The following DLG2 variants were observed in gnomAD, a reference collection of about 807,000 sequenced individuals.
DLG2 encodes the protein discs large MAGUK scaffold protein 2, also known as disks large homolog 2.
Under a neutral mutation model 132.5 loss-of-function variants are expected in DLG2, and 45 were observed. That is an observed-to-expected ratio of 0.34 (90% CI 0.27 to 0.44). The LOEUF (loss-of-function observed/expected upper bound fraction) is 0.44, where lower values mean the gene tolerates loss of function less well. DLG2 is among the 20% of genes least tolerant of loss of function. DLG2 has a pLI of 1.00. For missense variants in DLG2, 1,045 were observed against 1,196.9 expected (o/e 0.87, Z 1.87); for synonymous variants, 424 against 419.6 (o/e 1.01, Z -0.13).
chr11:84,715,285 T>C (rs566841036), intron 6 of DLG2, among the ~76,000 whole-genome samples: 64 of 152,250 alleles, frequency 4.2e-4, no homozygotes, highest in African/African-American at 1.3e-3. Context: ...ATTCAAAATA[T>C]ACAACATAAT....
chr11:85,155,484 T>C lies in DLG2; in HGVS notation c.187-833A>G, dbSNP rs531757776. On this transcript the variant is annotated intron_variant, in intron 4 of 27. Coordinates refer to ENST00000376104, the MANE Select transcript of DLG2 (RefSeq NM_001142699.3). ...TTCTGGAAGAGGAAGGATCAGAGAC[T>C]TCTAGGCTGATGAAAGGGATTCGTG... Among the ~76,000 whole-genome samples the C allele has an allele frequency of 7.0e-4, 107 of 152,302 alleles. 1 individual carries two copies. Among genetic ancestry groups the C allele is most frequent in the African/African-American group, 2.5e-3 (103 of 41,574 alleles).
chr11:84,290,467 G>A (rs1185376460), intron 7 of DLG2, among the ~76,000 whole-genome samples: 1 of 151,980 alleles, frequency 6.6e-6, no homozygotes, highest in Non-Finnish European at 1.5e-5. Flanking sequence ...CCCTGTTATC[G>A]CAGGGTTCTT....
intron 6 of DLG2, among the ~76,000 whole-genome samples, chr11:84,678,269 T>G (rs1273761163): frequency 6.6e-6 from 1 of 152,108 alleles, no homozygotes; most frequent in Non-Finnish European, 1.5e-5. Flanking sequence ...ACACACTTCT[T>G]TTCTGTTTAG....
intron 7 of DLG2, among the ~76,000 whole-genome samples, chr11:84,476,722 T>C (rs1344474389): frequency 1.3e-5 from 2 of 152,164 alleles, no homozygotes; most frequent in African/African-American, 4.8e-5. Flanking sequence ...CCAGGCCACA[T>C]GGAGAAGCCA....
Position 84,163,919 on chromosome 11 carries a change from G to A in DLG2, c.574-408C>T, listed in dbSNP as rs116131100. ...ACCTTAAAAATCAGTGATAATGGCA[G>A]AACAACATTGTTCCATTTTTGAATA... On this transcript the variant is annotated intron_variant, in intron 8 of 27. Coordinates refer to ENST00000376104, the MANE Select transcript of DLG2 (RefSeq NM_001142699.3). Among the ~76,000 whole-genome samples, 425 of 152,212 alleles carry A rather than the reference G, an allele frequency of 2.8e-3. 3 individuals are homozygous for A. The highest frequency in any genetic ancestry group is 0.01 in the African/African-American group (418 of 41,532).
intron 4 of DLG2, among the ~76,000 whole-genome samples, chr11:85,212,666 AGC>A: frequency 6.6e-6 from 1 of 152,142 alleles, no homozygotes; most frequent in Non-Finnish European, 1.5e-5. Context: ...AAAATATCAA[AGC>A]ACTCTCACAT....
chr11:84,398,393 T>C (rs1396580837), intron 7 of DLG2, among the ~76,000 whole-genome samples: 3 of 152,154 alleles, frequency 2.0e-5, no homozygotes, highest in Non-Finnish European at 4.4e-5. Context: ...GTAGAGCTCA[T>C]ACTGGTATCT....
At chr11:83,974,769 A>G (rs1335598975) in intron 12 of DLG2, among the ~76,000 whole-genome samples, 3 of 152,070 alleles carry the variant, frequency 2.0e-5, no homozygotes, top group African/African-American at 7.2e-5. Flanking sequence ...TGACTTGCCC[A>G]AGACAGATTA....
At chr11:84,247,596 T>C (rs1305778591) in intron 8 of DLG2, among the ~76,000 whole-genome samples, 3 of 152,150 alleles carry the variant, frequency 2.0e-5, no homozygotes, top group Non-Finnish European at 4.4e-5. Flanking sequence ...CATGACCTCA[T>C]ATAAGACAGA....
At chr11:84,825,979 C>T (rs1450809732) in intron 6 of DLG2, among the ~76,000 whole-genome samples, 1 of 151,880 alleles carries the variant, frequency 6.6e-6, no homozygotes, top group Non-Finnish European at 1.5e-5. Context: ...TGATATATAA[C>T]ATACACCCTC....
At chr11:83,464,973 C>T (rs2090747582) in intron 26 of DLG2, among the ~76,000 whole-genome samples, 1 of 152,120 alleles carries the variant, frequency 6.6e-6, no homozygotes, top group South Asian at 2.1e-4. Context: ...GAAATTTGTA[C>T]TTGCTTAATT....
chr11:85,237,649 G>T (rs1216676451), intron 4 of DLG2, among the ~76,000 whole-genome samples: 2 of 151,988 alleles, frequency 1.3e-5, no homozygotes, highest in Admixed American at 1.3e-4. Context: ...CCAGATGGGA[G>T]GTCAGACACA....
intron 6 of DLG2, among the ~76,000 whole-genome samples, chr11:84,830,685 C>T (rs1468754279): frequency 6.6e-6 from 1 of 151,358 alleles, no homozygotes; most frequent in South Asian, 2.1e-4. Context: ...TGACTGAAGC[C>T]TGCATAAATG....
chr11:83,468,107 T>C (rs970870205), intron 25 of DLG2, among the ~76,000 whole-genome samples: 1 of 151,970 alleles, frequency 6.6e-6, no homozygotes, highest in Non-Finnish European at 1.5e-5. Context: ...CTAGAATAAC[T>C]TTATGCAAGA....
At chr11:84,605,473 C>A (rs2099583813) in intron 6 of DLG2, among the ~76,000 whole-genome samples, 1 of 151,502 alleles carries the variant, frequency 6.6e-6, no homozygotes, top group Non-Finnish European at 1.5e-5. Context: ...ACTTATTAAT[C>A]TAATAGGTGA....
intron 9 of DLG2, among the ~76,000 whole-genome samples, chr11:84,148,918 G>A (rs558401462): frequency 1.3e-5 from 2 of 152,142 alleles, no homozygotes; most frequent in South Asian, 4.2e-4. Flanking sequence ...ATTCTAACTG[G>A]TATGAGGTGG....
rs542588306 is a variant in DLG2, at chr11:83,637,794, T to G, written c.1826-4469A>C. 3.9e-5 allele frequency among the ~76,000 whole-genome samples: 6 copies of G among 152,302 alleles called. No homozygotes were observed. The South Asian group carries it at 1.2e-3, about 32-fold the overall frequency. ...ATCAAACTGTAAGCTACTTGGAGAC[T>G]TGGGATGCCTCACTCATCTCTATTC... On this transcript the variant is annotated intron_variant, in intron 18 of 27. Transcript: ENST00000376104.
intron 6 of DLG2, among the ~76,000 whole-genome samples, chr11:84,934,813 T>C (rs79169571): frequency 0.018 from 2,719 of 152,140 alleles, 74 homozygotes; most frequent in African/African-American, 0.061. Context: ...TGTTTTTCCA[T>C]TTCATACCTT....
chr11:83,855,133 C>T (rs935525442), intron 16 of DLG2, among the ~76,000 whole-genome samples: 6 of 152,294 alleles, frequency 3.9e-5, no homozygotes, highest in East Asian at 3.9e-4. Context: ...TACCACTACA[C>T]GCCCATTGAA....
Sources: allele counts gnomAD v4.1 joint callset (sites outside exome capture counted in the v4.1 genomes callset), GRCh38; gene constraint gnomAD v4.1.1; transcripts MANE v1.5; gene names NCBI Gene and HGNC (gene_info 2026-07-23, HGNC 2026-07-21).